The following ZBTB25 variants were observed in gnomAD, a reference collection of about 807,000 sequenced individuals.
ZBTB25 encodes zinc finger and BTB domain containing 25, also known as zinc finger and BTB domain-containing protein 25.
A neutral mutation model predicts 34.2 loss-of-function variants in ZBTB25; 20 were observed. The observed-to-expected ratio is 0.58, with a 90% CI of 0.41 to 0.85. ZBTB25 has a LOEUF of 0.85. Among genes scored for constraint, ZBTB25 ranks in the 40% least tolerant of loss-of-function variants. ZBTB25 has a pLI of 0.00. For synonymous variants in ZBTB25, 175 were observed against 186.4 expected (o/e 0.94, Z 0.50); for missense variants, 437 against 521.8 (o/e 0.84, Z 1.58).
At chr14:64,496,319 C>G (rs2079273232) in intron 1 of ZBTB25, among the ~76,000 whole-genome samples, 1 of 151,662 alleles carries the variant, frequency 6.6e-6, no homozygotes, top group Admixed American at 6.6e-5. Context: ...CCCGTCTCTA[C>G]TAAAAATACA....
chr14:64,480,923 A>C lies in ZBTB25; in HGVS notation c.*6000T>G, dbSNP rs1483828387. 1 of 146,018 alleles carries C rather than the reference A, an allele frequency of 6.8e-6. No individual in the cohort carries two copies. Among genetic ancestry groups the C allele is most frequent in the African/African-American group, 2.5e-5 (1 of 39,292 alleles). 9.0% of individuals were successfully genotyped at this position (146,018 alleles called of 1,614,324 possible). A position where few individuals can be genotyped will look rare whatever the true frequency, so the allele number is the denominator to read the frequency against. On this transcript the variant is annotated 3_prime_UTR_variant, in exon 3 of 3. Transcript: ENST00000608382. ...CCAAAGTGCTGGGATTACAGGTGTG[A>C]GCCACCACACCCTGCCTTTTTTTTT...
rs1453124525 is a variant in ZBTB25 at position 64,486,640 on chromosome 14, TATAA to T, written c.*279_*282del. The T allele has an allele frequency of 1.0e-5, 10 of 1,001,348 alleles. No homozygotes were observed. The highest frequency in any genetic ancestry group is 4.2e-4 in the Middle Eastern group (1 of 2,354). 62.0% of individuals were successfully genotyped at this position (1,001,348 alleles called of 1,614,324 possible). ...CTATAACTGGAAAAACTTAGAATTC[TATAA>T]ATAACTATTTAAGGTTTCCATATTT... is the stretch of plus-strand genomic sequence containing the variant. On this transcript the variant is annotated 3_prime_UTR_variant, in exon 3 of 3. Transcript: ENST00000608382.
intron 2 of ZBTB25, chr14:64,463,344 T>A (rs1466080364): frequency 6.6e-6 from 1 of 151,836 alleles, no homozygotes; most frequent in East Asian, 1.9e-4. Flanking sequence ...TGTGAGTGAC[T>A]CTGTGTGTAT....
intron 1 of ZBTB25, chr14:64,503,013 T>G: frequency 2.0e-6 from 2 of 985,452 alleles, no homozygotes; most frequent in Non-Finnish European, 2.4e-6. Flanking sequence ...TGAAACATGC[T>G]AGGTGCCGTC....
chr14:64,503,378 T>A, intron 1 of ZBTB25: 1 of 985,398 alleles, frequency 1.0e-6, no homozygotes, highest in South Asian at 4.7e-5. Flanking sequence ...GGGACGGCTC[T>A]GCACCTTCGC....
At chr14:64,502,818 G>A (rs955411441) in intron 1 of ZBTB25, 14 of 967,486 alleles carry the variant, frequency 1.4e-5, no homozygotes, top group Admixed American at 6.2e-5. Context: ...TGTCTTCTCT[G>A]TAAAACGAGA....
chr14:64,498,455 A>C (rs1158385911), intron 1 of ZBTB25, among the ~76,000 whole-genome samples: 18 of 151,490 alleles, frequency 1.2e-4, no homozygotes, highest in African/African-American at 4.4e-4. Flanking sequence ...CTGGGATTAC[A>C]GGTGCCCATC....
chr14:64,450,331 T>C (rs952721377), intron 2 of ZBTB25, among the ~76,000 whole-genome samples: 2 of 152,240 alleles, frequency 1.3e-5, no homozygotes, highest in African/African-American at 2.4e-5. Context: ...ATTTTTCTGA[T>C]GGCTTTTCAG....
At chr14:64,465,520 G>C (rs925461606) in intron 2 of ZBTB25, 1 of 152,084 alleles carries the variant, frequency 6.6e-6, no homozygotes, top group African/African-American at 2.4e-5. Context: ...CTTGCTCCGG[G>C]TGCGACCGCG....
chr14:64,503,465 C>T, intron 1 of ZBTB25, 196 bp downstream of exon 1: 1 of 985,440 alleles, frequency 1.0e-6, no homozygotes, highest in Non-Finnish European at 1.2e-6. Flanking sequence ...TGGGTATTGT[C>T]GGCCCAGCGC....
At chr14:64,501,855 T>G (rs10141608) in intron 1 of ZBTB25, among the ~76,000 whole-genome samples, 1 of 152,234 alleles carries the variant, frequency 6.6e-6, no homozygotes, top group Non-Finnish European at 1.5e-5. Flanking sequence ...TTGTAAGGCA[T>G]AGAGGGCAGC....
intron 1 of ZBTB25, among the ~76,000 whole-genome samples, chr14:64,491,988 G>A (rs1002711346): frequency 2.6e-5 from 4 of 151,878 alleles, no homozygotes; most frequent in Non-Finnish European, 5.9e-5. Context: ...GCACGGTGGT[G>A]CATGCTTTAG....
rs2078811409 is a variant in ZBTB25, at chr14:64,482,972, A to T, written c.*3951T>A. ...AATCTCAAGAGTTATAAATAAAAAA[A>T]TTTTTTGTTTTCTTATAAGGCAGAC... On this transcript the variant is annotated 3_prime_UTR_variant, in exon 3 of 3. Transcript: ENST00000608382. 6.6e-6 allele frequency: 1 copy of T among 152,220 alleles called. No homozygotes were observed. Among genetic ancestry groups the T allele is most frequent in the South Asian group, 2.1e-4 (1 of 4,836 alleles). The allele number at this position is 152,220 out of a possible 1,614,324, so 9.4% of individuals were successfully genotyped here.
At position 64,486,250 on chromosome 14, in the gene ZBTB25, C is replaced by T. The variant is rs529523069; in HGVS notation, c.*673G>A. ...CCGGGAGGCGGAGCTTGCAGTCAGC[C>T]GAGATCGCGCCACTGCGCCCCAGCC... On this transcript the variant is annotated 3_prime_UTR_variant, in exon 3 of 3. Coordinates refer to ENST00000608382, the MANE Select transcript of ZBTB25 (RefSeq NM_006977.5). 10 of 945,242 alleles carry T rather than the reference C, an allele frequency of 1.1e-5. No homozygotes were observed. Among genetic ancestry groups the T allele is most frequent in the African/African-American group, 1.8e-5 (1 of 56,276 alleles). The allele number at this position is 945,242 out of a possible 1,614,324, so 58.6% of individuals were successfully genotyped here.
At chr14:64,497,995 T>C (rs946182641) in intron 1 of ZBTB25, among the ~76,000 whole-genome samples, 2 of 152,220 alleles carry the variant, frequency 1.3e-5, no homozygotes, top group African/African-American at 4.8e-5. Context: ...CAGAGGAATA[T>C]GTACATCTTT....
chr14:64,469,420 TAC>T, intron 2 of ZBTB25: 4 of 1,613,744 alleles, frequency 2.5e-6, no homozygotes, highest in Non-Finnish European at 3.4e-6. Context: ...CTATTATTAT[TAC>T]AGACACTGAA....
rs577634092 is a variant in ZBTB25 at position 64,485,327 on chromosome 14, T to C, written c.*1596A>G. ...TCACAAACCAAATTTTTTAGATGTA[T>C]TCAAATGCCCGTGAAGCTTAGAATT... On this transcript the variant is annotated 3_prime_UTR_variant, in exon 3 of 3. Transcript: ENST00000608382. 15 of 985,470 alleles carry C rather than the reference T, an allele frequency of 1.5e-5. 1 individual carries two copies. In the African/African-American group the frequency reaches 2.1e-4, roughly 14 times the overall value. 61.0% of individuals were successfully genotyped at this position (985,470 alleles called of 1,614,324 possible).
At chr14:64,491,570 C>T (rs1194160758) in intron 1 of ZBTB25, among the ~76,000 whole-genome samples, 2 of 152,126 alleles carry the variant, frequency 1.3e-5, no homozygotes, top group Admixed American at 6.5e-5. Context: ...GGAACAACTG[C>T]GGGGAAGCCT....
At chr14:64,458,102 GGTGGTTTAGAACTCCTGGCCTCAA>G in intron 2 of ZBTB25, 1 of 831,944 alleles carries the variant, frequency 1.2e-6, no homozygotes, top group Non-Finnish European at 2.1e-6. Flanking sequence ...TGTTGCCCAG[GGTGGTTTAGAACTCCTGGCCTCAA>G]GTGATCCTCT....
Sources: gnomAD v4.1 joint callset for allele counts (sites outside exome capture counted in the v4.1 genomes callset) on GRCh38, gnomAD v4.1.1 for gene constraint, MANE v1.5 for transcripts, NCBI Gene and HGNC (gene_info 2026-07-23, HGNC 2026-07-21) for gene names.